VMP1: variants seen among roughly 807,000 people sequenced by gnomAD.
VMP1 encodes vacuole membrane protein 1.
In VMP1, 11 loss-of-function variants were observed where a neutral mutation model predicts 56.0. That is an observed-to-expected ratio of 0.20 (90% CI 0.12 to 0.32). The LOEUF (loss-of-function observed/expected upper bound fraction) is 0.32. Among genes scored for constraint, VMP1 ranks in the 10% least tolerant of loss-of-function variants. VMP1 has a pLI of 1.00. For missense variants in VMP1, 296 were observed against 490.3 expected (o/e 0.60, Z 3.74); for synonymous variants, 149 against 165.0 (o/e 0.90, Z 0.74).
chr17:59,716,002 G>T (rs548720954), intron 1 of VMP1, among the ~76,000 whole-genome samples: 1 of 151,826 alleles, frequency 6.6e-6, no homozygotes, highest in East Asian at 1.9e-4. Flanking sequence ...TTGTACTAAA[G>T]GTTGACATAA....
At chr17:59,727,780 G>A (rs2034666230) in intron 1 of VMP1, among the ~76,000 whole-genome samples, 1 of 152,132 alleles carries the variant, frequency 6.6e-6, no homozygotes, top group South Asian at 2.1e-4. Flanking sequence ...AGTCACACAT[G>A]CATGCGTATC....
At chr17:59,713,684 T>TC (rs1491499878) in intron 1 of VMP1, among the ~76,000 whole-genome samples, 3 of 64,852 alleles carry the variant, frequency 4.6e-5, no homozygotes, top group East Asian at 1.1e-3. Context: ...CCCATCTCTC[T>TC]TTTTTTTTTT....
chr17:59,713,395 T>TATAATA (rs549268809), intron 1 of VMP1, among the ~76,000 whole-genome samples: 13 of 151,330 alleles, frequency 8.6e-5, no homozygotes, highest in East Asian at 1.9e-4. Flanking sequence ...GAACTTAAAG[T>TATAATA]ATAATAATAA....
chr17:59,789,099 G>C (rs1598396221), intron 7 of VMP1, among the ~76,000 whole-genome samples: 1 of 150,424 alleles, frequency 6.6e-6, no homozygotes, highest in Middle Eastern at 3.5e-3. Context: ...GACCATCCTG[G>C]CTAACACGGT....
Position 59,738,836 on chromosome 17 carries a change from G to A in VMP1, c.304-1G>A. On this transcript the variant is annotated splice_acceptor_variant, in intron 4 of 11. Coordinates refer to ENST00000262291, the MANE Select transcript of VMP1 (RefSeq NM_030938.5). LOFTEE classifies it high-confidence loss of function. ...GTTTTCACCTCATCCCTTTTTTTCA[G>A]TATGTGCAACGTATAGAGAAACAGT... The A allele has an allele frequency of 6.2e-7, 1 of 1,605,950 alleles. No individual in the cohort carries two copies. Among genetic ancestry groups the A allele is most frequent in the East Asian group, 2.2e-5 (1 of 44,638 alleles).
At chr17:59,764,016 C>T (rs147381783) in intron 5 of VMP1, among the ~76,000 whole-genome samples, 1 of 152,282 alleles carries the variant, frequency 6.6e-6, no homozygotes, top group Non-Finnish European at 1.5e-5. Flanking sequence ...ATGCAGACAC[C>T]TCATCTTGTG....
intron 7 of VMP1, among the ~76,000 whole-genome samples, chr17:59,804,001 G>C (rs946959146): frequency 6.6e-6 from 1 of 151,512 alleles, no homozygotes; most frequent in Non-Finnish European, 1.5e-5. Context: ...GTGAGTAATA[G>C]AGTCAAGTTT....
At chr17:59,719,909 C>T (rs2034328548) in intron 1 of VMP1, among the ~76,000 whole-genome samples, 1 of 152,150 alleles carries the variant, frequency 6.6e-6, no homozygotes, top group Non-Finnish European at 1.5e-5. Context: ...GTCTGTTACA[C>T]TCTTTTAATG....
intron 1 of VMP1, among the ~76,000 whole-genome samples, chr17:59,727,872 G>T (rs545269537): frequency 2.0e-5 from 3 of 152,272 alleles, no homozygotes; most frequent in Admixed American, 1.3e-4. Context: ...CTCATTTTGT[G>T]AATCCAAACA....
At chr17:59,754,201 T>C (rs2035756007) in intron 5 of VMP1, among the ~76,000 whole-genome samples, 1 of 152,130 alleles carries the variant, frequency 6.6e-6, no homozygotes. Context: ...CAAAAAAAAT[T>C]ATACATTTAA....
chr17:59,722,064 T>C (rs1397503191), intron 1 of VMP1, among the ~76,000 whole-genome samples: 4 of 152,192 alleles, frequency 2.6e-5, no homozygotes, highest in African/African-American at 9.7e-5. Flanking sequence ...TGAGTCCTTA[T>C]TAGAGTACCA....
chr17:59,808,683 C>G, intron 7 of VMP1, 113 bp from the exon 8 acceptor site: 1 of 770,844 alleles, frequency 1.3e-6, no homozygotes, highest in South Asian at 1.9e-5. Context: ...TTTCATCATT[C>G]ATCTTATTAA....
chr17:59,806,088 AT>A (rs1240860042), intron 7 of VMP1, among the ~76,000 whole-genome samples: 4 of 152,168 alleles, frequency 2.6e-5, no homozygotes, highest in Non-Finnish European at 5.9e-5. Flanking sequence ...CAATTAAAAC[AT>A]TTTTTACCAG....
intron 10 of VMP1, among the ~76,000 whole-genome samples, chr17:59,818,076 A>G (rs1359958551): frequency 1.3e-5 from 2 of 152,242 alleles, no homozygotes; most frequent in African/African-American, 4.8e-5. Context: ...TTGTCTTTAT[A>G]TAAAAGATAT....
intron 10 of VMP1, among the ~76,000 whole-genome samples, chr17:59,818,236 G>A (rs962878055): frequency 4.6e-5 from 7 of 151,636 alleles, no homozygotes; most frequent in African/African-American, 1.7e-4. Context: ...CCGTGGTGGC[G>A]GGCACCTATA....
intron 5 of VMP1, among the ~76,000 whole-genome samples, chr17:59,758,388 A>G (rs1164572061): frequency 1.3e-5 from 2 of 152,136 alleles, no homozygotes; most frequent in Non-Finnish European, 2.9e-5. Flanking sequence ...ATAGATGTTG[A>G]CGTTTTCAAC....
At chr17:59,820,979 T>G (rs1276043934) in intron 10 of VMP1, among the ~76,000 whole-genome samples, 4 of 151,184 alleles carry the variant, frequency 2.6e-5, no homozygotes, top group Admixed American at 6.6e-5. Context: ...TTTTTGTTTT[T>G]TTTTTTTTTG....
At chr17:59,791,198 T>C (rs1369635241) in intron 7 of VMP1, among the ~76,000 whole-genome samples, 1 of 150,788 alleles carries the variant, frequency 6.6e-6, no homozygotes, top group Admixed American at 6.6e-5. Flanking sequence ...TTTTTTTTTT[T>C]TTTTTTTAAG....
At chr17:59,802,605 G>A (rs768152485) in intron 7 of VMP1, among the ~76,000 whole-genome samples, 1 of 151,856 alleles carries the variant, frequency 6.6e-6, no homozygotes, top group African/African-American at 2.4e-5. Context: ...TTTTTATGTC[G>A]CCCAGGCTGT....
Sources: gnomAD v4.1 joint callset for allele counts (sites outside exome capture counted in the v4.1 genomes callset) on GRCh38, gnomAD v4.1.1 for gene constraint, MANE v1.5 for transcripts, NCBI Gene and HGNC (gene_info 2026-07-23, HGNC 2026-07-21) for gene names.